The following SLC6A5 variants were observed in gnomAD, a reference collection of about 807,000 sequenced individuals.
SLC6A5 encodes sodium- and chloride-dependent glycine transporter 2.
Under a neutral mutation model 90.5 loss-of-function variants are expected in SLC6A5, and 58 were observed. The observed-to-expected ratio is 0.64, with a 90% CI of 0.52 to 0.80. SLC6A5 has a LOEUF of 0.80. Among genes scored for constraint, SLC6A5 ranks in the 30% least tolerant of loss-of-function variants. The pLI, the probability that SLC6A5 is intolerant of heterozygous loss-of-function variation, is 0.00. For synonymous variants in SLC6A5, 427 were observed against 401.4 expected (o/e 1.06, Z -0.76); for missense variants, 1,015 against 1,017.6 (o/e 1.00, Z 0.03).
chr11:20,623,840 C>T (rs1457699997), intron 7 of SLC6A5, among the ~76,000 whole-genome samples: 2 of 152,104 alleles, frequency 1.3e-5, no homozygotes, highest in Admixed American at 1.3e-4. Context: ...TCTTCCTTGA[C>T]CAACTTCTCC....
chr11:20,650,776 C>T (rs560737603), intron 14 of SLC6A5, among the ~76,000 whole-genome samples: 5 of 150,152 alleles, frequency 3.3e-5, no homozygotes, highest in Admixed American at 6.8e-5. Context: ...ACGCCATTCT[C>T]CTGCCTCAGC....
At chr11:20,646,666 C>T (rs901063803) in intron 13 of SLC6A5, among the ~76,000 whole-genome samples, 168 bp from the exon 14 acceptor site, 2 of 152,062 alleles carry the variant, frequency 1.3e-5, no homozygotes, top group African/African-American at 4.8e-5. Flanking sequence ...TTCCTGGCAG[C>T]GAGTCATTTG....
At chr11:20,648,214 C>T (rs1240627840) in intron 14 of SLC6A5, among the ~76,000 whole-genome samples, 2 of 152,206 alleles carry the variant, frequency 1.3e-5, no homozygotes, top group African/African-American at 4.8e-5. Context: ...TGCTATTACA[C>T]ATGGTCCCAG....
intron 10 of SLC6A5, among the ~76,000 whole-genome samples, chr11:20,631,410 T>C (rs1205825674): frequency 6.6e-6 from 1 of 152,240 alleles, no homozygotes; most frequent in Non-Finnish European, 1.5e-5. Flanking sequence ...GAATAAATGT[T>C]TACTCTCTAC....
chr11:20,631,135 G>T (rs1025842624), intron 10 of SLC6A5, among the ~76,000 whole-genome samples: 1 of 152,220 alleles, frequency 6.6e-6, no homozygotes, highest in Admixed American at 6.5e-5. Context: ...TATGAGTAGA[G>T]AATTTATTAG....
Position 20,656,016 on chromosome 11 carries a change from A to G in SLC6A5, c.*1148A>G, listed in dbSNP as rs1027447132. 3.9e-5 allele frequency: 6 copies of G among 152,232 alleles called. No individual in the cohort carries two copies. The highest frequency in any genetic ancestry group is 1.3e-4 in the Admixed American group (2 of 15,280). The allele number at this position is 152,232 out of a possible 1,614,324, so 9.4% of individuals were successfully genotyped here. The stretch of plus-strand genomic sequence containing the variant: ...TCTGATAAATACAGCTTAGGTAAGT[A>G]GCGAGTGAGCCAATTAAGACTATAG... On this transcript the variant is annotated 3_prime_UTR_variant, in exon 16 of 16. Transcript: ENST00000525748.
chr11:20,625,344 C>T (rs1053760451), intron 7 of SLC6A5, among the ~76,000 whole-genome samples: 1 of 152,190 alleles, frequency 6.6e-6, no homozygotes, highest in African/African-American at 2.4e-5. Context: ...TCACTGCAAC[C>T]TCCGCCTCCT....
intron 5 of SLC6A5, among the ~76,000 whole-genome samples, chr11:20,608,922 GTCTCTCTC>G (rs138477311): frequency 0.077 from 10,143 of 131,302 alleles, 623 homozygotes; most frequent in African/African-American, 0.17. Context: ...CTGTCTGTCT[GTCTCTCTC>G]TCTCTCTCTC....
chr11:20,653,760 C>G (rs151300195), intron 15 of SLC6A5, among the ~76,000 whole-genome samples: 3 of 152,186 alleles, frequency 2.0e-5, no homozygotes, highest in Non-Finnish European at 4.4e-5. Flanking sequence ...TCACTTCTGC[C>G]GCACATAAGC....
intron 1 of SLC6A5, among the ~76,000 whole-genome samples, chr11:20,600,399 GAAGAAGAA>G (rs1852444353): frequency 7.2e-6 from 1 of 139,054 alleles, no homozygotes; most frequent in Non-Finnish European, 1.6e-5. Context: ...AGAAGAAGAA[GAAGAAGAA>G]GAAGACCTAA....
intron 7 of SLC6A5, among the ~76,000 whole-genome samples, chr11:20,620,599 A>G (rs1852871076): frequency 6.6e-6 from 1 of 152,116 alleles, no homozygotes; most frequent in East Asian, 1.9e-4. Flanking sequence ...GCTTTGTTGA[A>G]CACTGTGTGC....
intron 13 of SLC6A5, among the ~76,000 whole-genome samples, chr11:20,639,053 A>G (rs1207505511): frequency 1.3e-5 from 2 of 152,202 alleles, no homozygotes; most frequent in East Asian, 3.9e-4. Flanking sequence ...GCAATATCTC[A>G]ATCTCAGATT....
At chr11:20,606,438 G>A (rs970898109) in intron 3 of SLC6A5, among the ~76,000 whole-genome samples, 1 of 152,208 alleles carries the variant, frequency 6.6e-6, no homozygotes, top group Admixed American at 6.5e-5. Flanking sequence ...GGGGAAGGGC[G>A]TTGAGAAGTG....
chr11:20,646,729 C>G, intron 13 of SLC6A5, 105 bp from the exon 14 acceptor site: 1 of 786,106 alleles, frequency 1.3e-6, no homozygotes, highest in Non-Finnish European at 2.3e-6. Flanking sequence ...CTGGGGCCAG[C>G]CCTAGCCAAT....
rs561309614 is a variant in SLC6A5, at chr11:20,610,267, GGCTCCGGGCGCTGGGAAGCAT to G, written c.985+2621_985+2641del. Among the ~76,000 whole-genome samples, 266 of 152,348 alleles carry G rather than the reference GGCTCCGGGCGCTGGGAAGCAT, an allele frequency of 1.7e-3. 2 individuals are homozygous for G. The highest frequency in any genetic ancestry group is 5.9e-3 in the African/African-American group (246 of 41,586). On this transcript the variant is annotated intron_variant, in intron 5 of 15. Transcript: ENST00000525748. ...TCATTCCCTCGCGGGTGGACCCGAA[GGCTCCGGGCGCTGGGAAGCAT>G]GCTCCTGCCGCCCGGTGGTGGGAGG...
chr11:20,626,287 A>T (rs1852992181), intron 7 of SLC6A5, among the ~76,000 whole-genome samples: 1 of 152,190 alleles, frequency 6.6e-6, no homozygotes, highest in African/African-American at 2.4e-5. Context: ...TGCCTCACTT[A>T]GGTATGTGTA....
chr11:20,640,342 A>G (rs1217186278), intron 13 of SLC6A5, among the ~76,000 whole-genome samples: 2 of 152,208 alleles, frequency 1.3e-5, no homozygotes, highest in Non-Finnish European at 2.9e-5. Flanking sequence ...GGTTTAAAAC[A>G]TCATTAAAAT....
chr11:20,604,182 G>C (rs1852530409), intron 2 of SLC6A5, 104 bp from the exon 3 acceptor site: 3 of 1,422,564 alleles, frequency 2.1e-6, no homozygotes, highest in African/African-American at 1.4e-5. Flanking sequence ...TGAGAAGTGG[G>C]AGCCTGCTTG....
At chr11:20,606,745 C>T (rs1230462844) in intron 3 of SLC6A5, among the ~76,000 whole-genome samples, 1 of 152,124 alleles carries the variant, frequency 6.6e-6, no homozygotes, top group Non-Finnish European at 1.5e-5. Context: ...AACCCATCAG[C>T]ACATATCCCT....
Sources: gnomAD v4.1 joint callset for allele counts (sites outside exome capture counted in the v4.1 genomes callset) on GRCh38, gnomAD v4.1.1 for gene constraint, MANE v1.5 for transcripts, NCBI Gene and HGNC (gene_info 2026-07-23, HGNC 2026-07-21) for gene names.